Variants in ZMAT4 observed in about 807,000 individuals in gnomAD.
The protein encoded by ZMAT4 is zinc finger matrin-type 4, also known as zinc finger matrin-type protein 4.
Under a neutral mutation model 28.7 loss-of-function variants are expected in ZMAT4, and 17 were observed. The observed-to-expected ratio is 0.59, with a 90% CI of 0.41 to 0.89. ZMAT4 has a LOEUF of 0.89. Ranked by LOEUF, ZMAT4 falls within the 40% of genes least tolerant of loss-of-function variation. The pLI is 0.00. For synonymous variants in ZMAT4, 117 were observed against 109.2 expected (o/e 1.07, Z -0.44); for missense variants, 240 against 283.8 (o/e 0.85, Z 1.11).
At chr8:40,894,938 G>A (rs1198140127) in intron 1 of ZMAT4, among the ~76,000 whole-genome samples, 1 of 152,144 alleles carries the variant, frequency 6.6e-6, no homozygotes, top group Non-Finnish European at 1.5e-5. Context: ...TATTTCAGGG[G>A]ACAATTTTCT....
chr8:40,582,629 T>A (rs934049670), intron 5 of ZMAT4, among the ~76,000 whole-genome samples: 1 of 152,242 alleles, frequency 6.6e-6, no homozygotes, highest in African/African-American at 2.4e-5. Context: ...CAGGCAAAGT[T>A]ATTCCTCTTT....
chr8:40,735,348 T>G (rs1459616110), intron 3 of ZMAT4, among the ~76,000 whole-genome samples: 1 of 152,204 alleles, frequency 6.6e-6, no homozygotes, highest in Non-Finnish European at 1.5e-5. Flanking sequence ...TATATTATAC[T>G]CAATATTTTC....
intron 3 of ZMAT4, among the ~76,000 whole-genome samples, chr8:40,765,219 C>T (rs764199072): frequency 9.9e-5 from 15 of 152,150 alleles, no homozygotes; most frequent in South Asian, 2.1e-4. Context: ...CTCCAGACAA[C>T]GTCTTTATAT....
At chr8:40,801,347 A>ATATATATATATATATATATATATATATAT (rs1174640469) in intron 2 of ZMAT4, among the ~76,000 whole-genome samples, 2 of 48,578 alleles carry the variant, frequency 4.1e-5, no homozygotes, top group African/African-American at 1.9e-4. Context: ...TCTTTAAAAA[A>ATATATATATATATATATATATATATATAT]AAAAATATAT....
At chr8:40,889,092 C>T (rs757388118) in intron 1 of ZMAT4, among the ~76,000 whole-genome samples, 2 of 152,208 alleles carry the variant, frequency 1.3e-5, no homozygotes, top group Non-Finnish European at 2.9e-5. Flanking sequence ...GCCTCAACTT[C>T]TCTGCTTGTG....
chr8:40,549,504 G>T (rs79308823), intron 6 of ZMAT4, among the ~76,000 whole-genome samples: 1 of 152,090 alleles, frequency 6.6e-6, no homozygotes, highest in African/African-American at 2.4e-5. Flanking sequence ...AACCAGTGTC[G>T]CTTCATGCAA....
intron 5 of ZMAT4, among the ~76,000 whole-genome samples, chr8:40,601,161 G>A (rs921198360): frequency 2.9e-4 from 44 of 152,046 alleles, no homozygotes; most frequent in Admixed American, 2.9e-3. Flanking sequence ...TGGAGACCAG[G>A]TGACTCCTGG....
At chr8:40,748,694 A>G (rs1025732621) in intron 3 of ZMAT4, among the ~76,000 whole-genome samples, 1 of 152,290 alleles carries the variant, frequency 6.6e-6, no homozygotes, top group Non-Finnish European at 1.5e-5. Context: ...GAACACAGTA[A>G]TATTTTCTCT....
At chr8:40,634,144 G>T (rs77938302) in intron 5 of ZMAT4, among the ~76,000 whole-genome samples, 1 of 152,310 alleles carries the variant, frequency 6.6e-6, no homozygotes, top group South Asian at 2.1e-4. Context: ...TTAAAAAAAA[G>T]TTATGGAGAG....
At chr8:40,636,726 T>C (rs1806806076) in intron 5 of ZMAT4, among the ~76,000 whole-genome samples, 1 of 151,914 alleles carries the variant, frequency 6.6e-6, no homozygotes, top group African/African-American at 2.4e-5. Context: ...CAGGGAAGAG[T>C]TTGTCTTAGA....
At chr8:40,802,578 G>T (rs1168424312) in intron 2 of ZMAT4, among the ~76,000 whole-genome samples, 1 of 152,030 alleles carries the variant, frequency 6.6e-6, no homozygotes, top group African/African-American at 2.4e-5. Context: ...TAAATAAATA[G>T]AGAGATATTC....
At chr8:40,575,041 G>T (rs994007786) in intron 6 of ZMAT4, among the ~76,000 whole-genome samples, 1 of 152,106 alleles carries the variant, frequency 6.6e-6, no homozygotes, top group African/African-American at 2.4e-5. Flanking sequence ...TTCTAGACTT[G>T]GGACTCTGCT....
intron 3 of ZMAT4, among the ~76,000 whole-genome samples, chr8:40,735,516 T>C (rs527464767): frequency 1.7e-4 from 26 of 152,286 alleles, no homozygotes; most frequent in Non-Finnish European, 2.1e-4. Flanking sequence ...CAGATTTTTT[T>C]AAAAGCATTA....
chr8:40,862,490 C>A (rs1460449593), intron 1 of ZMAT4, among the ~76,000 whole-genome samples: 1 of 143,870 alleles, frequency 7.0e-6, no homozygotes, highest in African/African-American at 2.6e-5. Flanking sequence ...TTAGTGGGTG[C>A]AGCACACCAG....
chr8:40,610,189 A>T (rs1475195395), intron 5 of ZMAT4, among the ~76,000 whole-genome samples: 2 of 152,234 alleles, frequency 1.3e-5, no homozygotes, highest in Non-Finnish European at 2.9e-5. Flanking sequence ...CCGGAATGTG[A>T]AAAGCTTTCG....
At chr8:40,641,241 T>C (rs1449938741) in intron 5 of ZMAT4, among the ~76,000 whole-genome samples, 3 of 152,210 alleles carry the variant, frequency 2.0e-5, no homozygotes, top group Non-Finnish European at 4.4e-5. Context: ...ACTGGGCACA[T>C]TGCTAAATGA....
At chr8:40,715,027 G>A (rs578245987) in intron 3 of ZMAT4, among the ~76,000 whole-genome samples, 2 of 127,346 alleles carry the variant, frequency 1.6e-5, no homozygotes, top group African/African-American at 3.2e-5. Flanking sequence ...CCAGCCTGGC[G>A]ACAGAGGGAG....
chr8:40,762,353 G>T (rs1457484227), intron 3 of ZMAT4, among the ~76,000 whole-genome samples: 1 of 152,166 alleles, frequency 6.6e-6, no homozygotes, highest in Admixed American at 6.6e-5. Context: ...AGAACACACA[G>T]AGATACACAC....
At chr8:40,832,867 G>A (rs994136476) in intron 1 of ZMAT4, among the ~76,000 whole-genome samples, 80 of 152,364 alleles carry the variant, frequency 5.3e-4, no homozygotes, top group African/African-American at 1.8e-3. Flanking sequence ...AGGGAGGGAA[G>A]TATGGGAGTG....
Sources: allele counts gnomAD v4.1 joint callset (sites outside exome capture counted in the v4.1 genomes callset), GRCh38; gene constraint gnomAD v4.1.1; transcripts MANE v1.5; gene names NCBI Gene and HGNC (gene_info 2026-07-23, HGNC 2026-07-21).